The following PABPC4L variants were observed in gnomAD, a reference collection of about 807,000 sequenced individuals.
PABPC4L encodes the protein poly(A) binding protein cytoplasmic 4 like, also known as polyadenylate-binding protein 4-like.
For synonymous variants in PABPC4L, 169 were observed against 164.1 expected, an observed-to-expected ratio of 1.03 and a Z score of -0.23; for missense variants, 452 against 451.4, an observed-to-expected ratio of 1.00 and a Z score of -0.01.
the PABPC4L span, among the ~76,000 whole-genome samples, chr4:134,014,542 G>A: frequency 3.1e-3 from 475 of 152,190 alleles, 5 homozygotes; most frequent in African/African-American, 0.011. Context: ...ACTGGAAATC[G>A]GACTGTTCAA....
chr4:134,016,279 A>G, the PABPC4L span, among the ~76,000 whole-genome samples: 102 of 152,284 alleles, frequency 6.7e-4, 1 homozygote, highest in Middle Eastern at 3.4e-3. Context: ...CTAAACGTCA[A>G]TATTTATACT....
the PABPC4L span, among the ~76,000 whole-genome samples, chr4:133,988,980 T>C: frequency 6.6e-6 from 1 of 152,184 alleles, no homozygotes. Context: ...TTGCACCCTC[T>C]GAAGCAGTGG....
At chr4:134,078,549 T>C in the PABPC4L span, among the ~76,000 whole-genome samples, 1 of 152,108 alleles carries the variant, frequency 6.6e-6, no homozygotes, top group Non-Finnish European at 1.5e-5. Flanking sequence ...AGTGGAATTA[T>C]GTATAGTTGT....
the PABPC4L span, among the ~76,000 whole-genome samples, chr4:134,130,426 A>G: frequency 6.6e-6 from 1 of 152,080 alleles, no homozygotes; most frequent in Non-Finnish European, 1.5e-5. Context: ...ACTAGCAAAC[A>G]TACAGAAGAG....
the PABPC4L span, among the ~76,000 whole-genome samples, chr4:134,122,704 GTC>G: frequency 2.0e-5 from 3 of 151,688 alleles, no homozygotes; most frequent in Admixed American, 6.6e-5. Context: ...ATTATCTAAA[GTC>G]TCTCTAATTT....
chr4:134,129,840 G>A, the PABPC4L span, among the ~76,000 whole-genome samples: 1,097 of 151,910 alleles, frequency 7.2e-3, 12 homozygotes, highest in African/African-American at 0.023. Flanking sequence ...AGGCCAAGGC[G>A]GGGGAAATCA....
At chr4:133,971,435 T>G in the PABPC4L span, among the ~76,000 whole-genome samples, 1 of 152,252 alleles carries the variant, frequency 6.6e-6, no homozygotes, top group South Asian at 2.1e-4. Flanking sequence ...ATTATTTCAC[T>G]TTTATTGTTA....
At chr4:134,084,662 TA>T in the PABPC4L span, among the ~76,000 whole-genome samples, 1 of 151,862 alleles carries the variant, frequency 6.6e-6, no homozygotes, top group African/African-American at 2.4e-5. Flanking sequence ...TGCAATGGAA[TA>T]AAAGGAAAGA....
chr4:134,086,510 C>T, the PABPC4L span, among the ~76,000 whole-genome samples: 9 of 151,614 alleles, frequency 5.9e-5, no homozygotes, highest in Non-Finnish European at 1.2e-4. Flanking sequence ...CAACACTTTT[C>T]AATTTTTTTT....
the PABPC4L span, among the ~76,000 whole-genome samples, chr4:134,188,348 G>A: frequency 2.0e-5 from 3 of 152,004 alleles, no homozygotes; most frequent in African/African-American, 7.2e-5. Flanking sequence ...ATCAATTAAA[G>A]GGAAGATAAA....
the PABPC4L span, among the ~76,000 whole-genome samples, chr4:133,964,462 A>T: frequency 6.6e-6 from 1 of 152,160 alleles, no homozygotes; most frequent in Non-Finnish European, 1.5e-5. Context: ...TTCCTAATTC[A>T]TTCTATGAAG....
chr4:133,994,387 C>G, the PABPC4L span, among the ~76,000 whole-genome samples: 281 of 152,228 alleles, frequency 1.8e-3, 1 homozygote, highest in African/African-American at 6.4e-3. Flanking sequence ...ACAGAGTGAT[C>G]CCCCATTGGG....
the PABPC4L span, among the ~76,000 whole-genome samples, chr4:134,097,887 C>T: frequency 6.6e-6 from 1 of 151,750 alleles, no homozygotes; most frequent in Non-Finnish European, 1.5e-5. Flanking sequence ...AATTGAGAAA[C>T]TTGTTTGGAC....
the PABPC4L span, among the ~76,000 whole-genome samples, chr4:134,172,935 AATG>A: frequency 6.6e-6 from 1 of 151,978 alleles, no homozygotes; most frequent in Non-Finnish European, 1.5e-5. Flanking sequence ...AAGACAAACA[AATG>A]ACCAACAGTT....
At chr4:134,044,002 G>C in the PABPC4L span, among the ~76,000 whole-genome samples, 1 of 151,606 alleles carries the variant, frequency 6.6e-6, no homozygotes, top group Non-Finnish European at 1.5e-5. Context: ...ACGACACCTA[G>C]GTGTCATTCT....
At chr4:134,022,570 A>AG in the PABPC4L span, among the ~76,000 whole-genome samples, 1 of 151,714 alleles carries the variant, frequency 6.6e-6, no homozygotes, top group East Asian at 1.9e-4. Flanking sequence ...TTATTAGTTT[A>AG]GTTTTTTTTT....
At chr4:134,153,181 G>A in the PABPC4L span, among the ~76,000 whole-genome samples, 2 of 152,024 alleles carry the variant, frequency 1.3e-5, no homozygotes, top group Admixed American at 6.6e-5. Context: ...TTTCATTATA[G>A]CTTGTCTCTA....
chr4:133,975,259 T>G, the PABPC4L span, among the ~76,000 whole-genome samples: 2 of 152,132 alleles, frequency 1.3e-5, no homozygotes, highest in African/African-American at 2.4e-5. Context: ...ATTGTGTGAT[T>G]CCATTTACAT....
chr4:134,048,741 A>C, the PABPC4L span, among the ~76,000 whole-genome samples: 1 of 152,226 alleles, frequency 6.6e-6, no homozygotes, highest in South Asian at 2.1e-4. Context: ...AACAAAAACC[A>C]ATTTTATGTA....
Sources: allele counts gnomAD v4.1 joint callset (sites outside exome capture counted in the v4.1 genomes callset), GRCh38; gene constraint gnomAD v4.1.1; transcripts MANE v1.5; gene names NCBI Gene and HGNC (gene_info 2026-07-23, HGNC 2026-07-21).